Variants in TOX2 observed in about 807,000 individuals in gnomAD.
The protein encoded by TOX2 is TOX high mobility group box family member 2.
A neutral mutation model predicts 47.4 loss-of-function variants in TOX2; 15 were observed. The observed-to-expected ratio is 0.32, with a 90% CI of 0.21 to 0.49. The LOEUF (loss-of-function observed/expected upper bound fraction) is 0.49, where lower values mean the gene tolerates loss of function less well. TOX2 is among the 20% of genes least tolerant of loss of function. The pLI, the probability that TOX2 is intolerant of heterozygous loss-of-function variation, is 0.99. For synonymous variants in TOX2, 290 were observed against 296.6 expected, an observed-to-expected ratio of 0.98 and a Z score of 0.23; for missense variants, 622 against 673.1, an observed-to-expected ratio of 0.92 and a Z score of 0.84.
chr20:44,039,098 G>T, intron 3 of TOX2: 2 of 1,273,232 alleles, frequency 1.6e-6, no homozygotes, highest in Non-Finnish European at 2.1e-6. Context: ...GGTGCTGGGA[G>T]GCAGGTGTCT....
chr20:43,946,400 A>G lies in TOX2; in HGVS notation c.100-26967A>G, dbSNP rs73288922. On this transcript the variant is annotated intron_variant, in intron 1 of 8. Transcript: ENST00000341197. ...CAGACTGGAAACAATGGGAGCAGTAATGGGGATGGCCCATGGCTTGGGAGG... is the reference window on the plus strand; with the variant it reads ...CAGACTGGAAACAATGGGAGCAGTAGTGGGGATGGCCCATGGCTTGGGAGG... Among the ~76,000 whole-genome samples the G allele has an allele frequency of 2.5e-3, 380 of 152,228 alleles. 5 individuals carry two copies. Among genetic ancestry groups the G allele is most frequent in the African/African-American group, 8.3e-3 (346 of 41,538 alleles).
At chr20:43,956,461 T>C (rs778313356) in intron 1 of TOX2, among the ~76,000 whole-genome samples, 4 of 150,794 alleles carry the variant, frequency 2.7e-5, no homozygotes, top group Non-Finnish European at 5.9e-5. Context: ...CTCAGGAGGC[T>C]GAGGCAGGAG....
At chr20:43,958,251 ACT>A (rs1478395430) in intron 1 of TOX2, among the ~76,000 whole-genome samples, 5 of 151,816 alleles carry the variant, frequency 3.3e-5, no homozygotes, top group East Asian at 1.9e-4. Context: ...GGAATGTTTC[ACT>A]CTCTGGCCAG....
intron 1 of TOX2, chr20:43,946,018 G>A (rs747395917): frequency 5.6e-6 from 9 of 1,614,060 alleles, no homozygotes; most frequent in Non-Finnish European, 7.6e-6. Flanking sequence ...CTGGTGCATT[G>A]CAGGTGTGTT....
At chr20:43,917,144 C>T (rs2069064216) in intron 1 of TOX2, among the ~76,000 whole-genome samples, 1 of 152,152 alleles carries the variant, frequency 6.6e-6, no homozygotes, top group African/African-American at 2.4e-5. Context: ...AAATCTGCTA[C>T]TCAGTCCTTC....
intron 3 of TOX2, among the ~76,000 whole-genome samples, chr20:44,041,910 A>G (rs771870926): frequency 5.9e-5 from 9 of 152,260 alleles, no homozygotes; most frequent in Admixed American, 3.3e-4. Flanking sequence ...TTACTCCAAA[A>G]AATAGGCAAA....
intron 1 of TOX2, among the ~76,000 whole-genome samples, chr20:43,948,207 G>A (rs540600451): frequency 3.3e-5 from 5 of 152,316 alleles, no homozygotes; most frequent in Non-Finnish European, 7.3e-5. Flanking sequence ...GCCCAAACAC[G>A]GCAGGCACCT....
intron 5 of TOX2, among the ~76,000 whole-genome samples, chr20:44,057,202 T>G (rs539857996): frequency 1.3e-5 from 2 of 152,348 alleles, no homozygotes; most frequent in South Asian, 4.1e-4. Context: ...ATTAGAGGCA[T>G]GAGCCACTAT....
At chr20:43,981,814 A>C (rs2070173745) in intron 2 of TOX2, among the ~76,000 whole-genome samples, 2 of 152,158 alleles carry the variant, frequency 1.3e-5, no homozygotes, top group South Asian at 2.1e-4. Context: ...GGGCAGATTG[A>C]GAAGCGTGAG....
At chr20:43,930,127 C>A (rs1600656032) in intron 1 of TOX2, among the ~76,000 whole-genome samples, 1 of 152,218 alleles carries the variant, frequency 6.6e-6, no homozygotes, top group Non-Finnish European at 1.5e-5. Context: ...ACCATTGCAT[C>A]CCCATGGTGT....
chr20:44,012,514 AG>A (rs1315541578), intron 3 of TOX2, among the ~76,000 whole-genome samples: 1 of 152,072 alleles, frequency 6.6e-6, no homozygotes, highest in African/African-American at 2.4e-5. Flanking sequence ...GGGTCCCTGG[AG>A]TTGTGTGGTC....
At chr20:44,006,830 C>T in intron 3 of TOX2, 38 bp downstream of exon 3, 3 of 1,596,872 alleles carry the variant, frequency 1.9e-6, no homozygotes, top group Admixed American at 1.7e-5. Context: ...CTGCTGATGA[C>T]AGCAGGGAGG....
intron 5 of TOX2, among the ~76,000 whole-genome samples, chr20:44,060,852 TAAAG>T (rs2071704046): frequency 6.6e-6 from 1 of 151,504 alleles, no homozygotes; most frequent in Non-Finnish European, 1.5e-5. Flanking sequence ...CTCAAGGAAC[TAAAG>T]AGAGAGAACA....
At chr20:43,917,603 G>C (rs922532511) in intron 1 of TOX2, among the ~76,000 whole-genome samples, 7 of 152,144 alleles carry the variant, frequency 4.6e-5, no homozygotes, top group Non-Finnish European at 1.0e-4. Context: ...GGCTCTTGGC[G>C]ACCGTCCCCT....
chr20:44,046,583 G>C (rs1350805002), intron 3 of TOX2, among the ~76,000 whole-genome samples: 2 of 152,180 alleles, frequency 1.3e-5, no homozygotes, highest in African/African-American at 2.4e-5. Context: ...GCAAAATGTA[G>C]TCTATACATA....
At chr20:43,961,418 CTT>C (rs1028682685) in intron 1 of TOX2, among the ~76,000 whole-genome samples, 10 of 152,166 alleles carry the variant, frequency 6.6e-5, no homozygotes, top group African/African-American at 2.4e-4. Context: ...AGAATTAAAA[CTT>C]TTCCCCAGTG....
At chr20:44,010,711 G>A (rs2070764729) in intron 3 of TOX2, among the ~76,000 whole-genome samples, 1 of 152,136 alleles carries the variant, frequency 6.6e-6, no homozygotes. Context: ...GCTTTCAAAC[G>A]TTTTCTTGCA....
intron 4 of TOX2, among the ~76,000 whole-genome samples, chr20:44,051,796 G>A (rs958260460): frequency 1.3e-5 from 2 of 152,210 alleles, no homozygotes; most frequent in Non-Finnish European, 2.9e-5. Context: ...ATTGGCAGGT[G>A]GAGCACCTGG....
At chr20:43,993,672 C>T (rs2070411184) in intron 2 of TOX2, among the ~76,000 whole-genome samples, 1 of 152,252 alleles carries the variant, frequency 6.6e-6, no homozygotes, top group Non-Finnish European at 1.5e-5. Flanking sequence ...TGGGATCCTC[C>T]TAAGTTTAAA....
Sources: gnomAD v4.1 joint callset for allele counts (sites outside exome capture counted in the v4.1 genomes callset) on GRCh38, gnomAD v4.1.1 for gene constraint, MANE v1.5 for transcripts, NCBI Gene and HGNC (gene_info 2026-07-23, HGNC 2026-07-21) for gene names.